The following GRIA2 variants were observed in gnomAD, a reference collection of about 807,000 sequenced individuals.
GRIA2 encodes the protein glutamate ionotropic receptor AMPA type subunit 2, also known as glutamate receptor 2.
GRIA2 carries 14 observed loss-of-function variants against 97.3 expected under a neutral mutation model. The ratio of observed to expected loss-of-function variants is 0.14; its 90% CI spans 0.10 to 0.23. The LOEUF is 0.23. GRIA2 is among the 10% of genes least tolerant of loss of function. The probability of loss-of-function intolerance (pLI) is 1.00; values close to 1 mark genes in which losing one functional copy is unlikely to be tolerated. For missense variants in GRIA2, 558 were observed against 1,069.8 expected, an observed-to-expected ratio of 0.52 and a Z score of 6.67; for synonymous variants, 412 against 387.8, an observed-to-expected ratio of 1.06 and a Z score of -0.73.
At chr4:157,237,693 G>A (rs1019024684) in intron 2 of GRIA2, among the ~76,000 whole-genome samples, 1 of 152,140 alleles carries the variant, frequency 6.6e-6, no homozygotes, top group African/African-American at 2.4e-5. Flanking sequence ...GAGATGTAAA[G>A]TCATGCAAGG....
chr4:157,325,949 C>A (rs1237644750), intron 6 of GRIA2, among the ~76,000 whole-genome samples: 60 of 152,092 alleles, frequency 3.9e-4, no homozygotes, highest in South Asian at 2.1e-4. Flanking sequence ...TTTTGTGGTT[C>A]TGTTCCAAAT....
intron 12 of GRIA2, among the ~76,000 whole-genome samples, chr4:157,351,637 T>C (rs938495994): frequency 1.3e-5 from 2 of 152,130 alleles, no homozygotes; most frequent in Admixed American, 6.5e-5. Flanking sequence ...TCACCTTGAA[T>C]TGCAATCCCT....
At chr4:157,343,801 G>A (rs1735651205) in intron 12 of GRIA2, among the ~76,000 whole-genome samples, 1 of 152,054 alleles carries the variant, frequency 6.6e-6, no homozygotes, top group Non-Finnish European at 1.5e-5. Context: ...TGACACGGTT[G>A]CAATTTGGGA....
At chr4:157,317,897 A>G (rs1734395517) in intron 5 of GRIA2, among the ~76,000 whole-genome samples, 186 bp downstream of exon 5, 1 of 152,088 alleles carries the variant, frequency 6.6e-6, no homozygotes, top group Non-Finnish European at 1.5e-5. Context: ...AATTGCTTGA[A>G]TCCAGAAGGC....
intron 9 of GRIA2, chr4:157,334,336 C>T: frequency 2.2e-6 from 1 of 464,302 alleles, no homozygotes; most frequent in Non-Finnish European, 3.9e-6. Flanking sequence ...CTACAGTTTA[C>T]ACAGATAATT....
At position 157,365,251 on chromosome 4, in the gene GRIA2, A is replaced by T. The variant is rs1169392533; in HGVS notation, c.*1820A>T. The T allele has an allele frequency of 1.3e-5, 2 of 151,848 alleles. No homozygotes were observed. Among genetic ancestry groups the T allele is most frequent in the African/African-American group, 4.8e-5 (2 of 41,380 alleles). The allele number at this position is 151,848 out of a possible 1,614,324, so 9.4% of individuals were successfully genotyped here. On this transcript the variant is annotated 3_prime_UTR_variant, in exon 16 of 16. Transcript: ENST00000264426. ...ACTAAATTTAGCTGTCCCTAATCAC[A>T]GATCCTAAGGTAATATAATATAATT... is the stretch of plus-strand genomic sequence containing the variant.
At chr4:157,327,155 C>G (rs546115963) in intron 6 of GRIA2, among the ~76,000 whole-genome samples, 2 of 152,192 alleles carry the variant, frequency 1.3e-5, no homozygotes, top group African/African-American at 4.8e-5. Flanking sequence ...TAGAAATAAG[C>G]CTTTCAAAGG....
rs772460585 is a variant in GRIA2 at position 157,221,803 on chromosome 4, T to C, written c.225T>C (p.Asn75=). ...TGGCAAACAGCTTCGCAGTCACTAA[T>C]GCTTGTAAGTAATGAATATTCATGC... ...LEVANSFAVT[N]AFCSQFSRGV... The change falls in exon 2 of 16, where the codon AAT becomes AAC. Residue 75 remains asparagine (N), a synonymous_variant. Coordinates refer to ENST00000264426, the MANE Select transcript of GRIA2 (RefSeq NM_001083619.3). 2.5e-6 allele frequency: 4 copies of C among 1,613,920 alleles called. No homozygotes were observed.
chr4:157,283,537 TTTCTTC>T, intron 2 of GRIA2, among the ~76,000 whole-genome samples: 1 of 151,984 alleles, frequency 6.6e-6, no homozygotes, highest in African/African-American at 2.4e-5. Flanking sequence ...GCAAAAACAA[TTTCTTC>T]AGTGCAAAAA....
intron 2 of GRIA2, among the ~76,000 whole-genome samples, chr4:157,265,434 C>T (rs1002343585): frequency 6.6e-6 from 1 of 152,134 alleles, no homozygotes; most frequent in African/African-American, 2.4e-5. Context: ...AGGCTGTAAG[C>T]TGGAAGCTTG....
rs1413018432 is a variant in GRIA2 at position 157,363,794 on chromosome 4, TG to T, written c.*365del. On this transcript the variant is annotated 3_prime_UTR_variant, in exon 16 of 16. Coordinates refer to ENST00000264426, the MANE Select transcript of GRIA2 (RefSeq NM_001083619.3). ...TTCTACTCGAGTTACAGACAAAGCG[TG>T]GTGGACATGCACAGCTAACATGGAA... The T allele has an allele frequency of 1.9e-5, 7 of 367,552 alleles. No individual in the cohort carries two copies. The highest frequency in any genetic ancestry group is 1.5e-4 in the African/African-American group (7 of 47,892). 22.8% of individuals were successfully genotyped at this position (367,552 alleles called of 1,614,324 possible). A position where few individuals can be genotyped will look rare whatever the true frequency, so the allele number is the denominator to read the frequency against.
rs1302535020 is a variant in GRIA2 at position 157,331,758 on chromosome 4, G to GA, written c.883-1058dup. Reference sequence around the variant, plus strand: ...GGCAAGGTTTTCAGTGGAATTTAGAGAAAGAGAAATGTGTGGAGGTCTCAG... The same window carrying GA: ...GGCAAGGTTTTCAGTGGAATTTAGAGAAAAGAGAAATGTGTGGAGGTCTCAG... On this transcript the variant is annotated intron_variant, in intron 6 of 15. Coordinates refer to ENST00000264426, the MANE Select transcript of GRIA2 (RefSeq NM_001083619.3). Among the ~76,000 whole-genome samples the GA allele has an allele frequency of 4.6e-5, 7 of 152,062 alleles. No individual in the cohort carries two copies. The East Asian group carries it at 1.4e-3, about 30-fold the overall frequency.
chr4:157,283,260 A>C (rs1053077720), intron 2 of GRIA2, among the ~76,000 whole-genome samples: 1 of 151,964 alleles, frequency 6.6e-6, no homozygotes, highest in Non-Finnish European at 1.5e-5. Context: ...TTAGCAAAAT[A>C]AAGTTTGAGA....
rs747887777 is a variant in GRIA2 at position 157,247,075 on chromosome 4, C to A, written c.229+25268C>A. On this transcript the variant is annotated intron_variant, in intron 2 of 15. Coordinates refer to ENST00000264426, the MANE Select transcript of GRIA2 (RefSeq NM_001083619.3). ...CAAGATAAAGATGACAGTCTTGGGA[C>A]TAAAGATGAATAGTTGGGACTTCTC... Among the ~76,000 whole-genome samples the A allele has an allele frequency of 2.0e-5, 3 of 152,108 alleles. No individual in the cohort carries two copies. The South Asian group carries it at 6.2e-4, about 32-fold the overall frequency.
intron 1 of GRIA2, chr4:157,221,423 C>G (rs1040139390): frequency 1.7e-6 from 1 of 578,464 alleles, no homozygotes; most frequent in Non-Finnish European, 3.0e-6. Flanking sequence ...GAATGCAAAG[C>G]TTGTGATTAC....
chr4:157,276,951 A>C (rs1018484176), intron 2 of GRIA2, among the ~76,000 whole-genome samples: 1 of 151,982 alleles, frequency 6.6e-6, no homozygotes, highest in African/African-American at 2.4e-5. Context: ...CACCAGGCCC[A>C]GATAAGTTTA....
At chr4:157,270,199 CA>C (rs1255697615) in intron 2 of GRIA2, among the ~76,000 whole-genome samples, 2 of 152,210 alleles carry the variant, frequency 1.3e-5, no homozygotes, top group East Asian at 3.9e-4. Flanking sequence ...GAGGAGACTT[CA>C]AGTGCTTCCA....
chr4:157,329,868 A>G (rs951454328), intron 6 of GRIA2, among the ~76,000 whole-genome samples: 1 of 152,038 alleles, frequency 6.6e-6, no homozygotes, highest in Non-Finnish European at 1.5e-5. Flanking sequence ...AATTGTGACA[A>G]TCGAGGAAAA....
chr4:157,264,369 T>G (rs1731676301), intron 2 of GRIA2, among the ~76,000 whole-genome samples: 1 of 152,106 alleles, frequency 6.6e-6, no homozygotes, highest in East Asian at 1.9e-4. Context: ...CTTGCATGCC[T>G]TGGCTCATGG....
Sources: allele counts gnomAD v4.1 joint callset (sites outside exome capture counted in the v4.1 genomes callset), GRCh38; gene constraint gnomAD v4.1.1; transcripts MANE v1.5; gene names NCBI Gene and HGNC (gene_info 2026-07-23, HGNC 2026-07-21).